The following LILRA5 variants were observed in gnomAD, a reference collection of about 807,000 sequenced individuals.
LILRA5 encodes leukocyte immunoglobulin-like receptor subfamily A member 5.
Under a neutral mutation model 36.3 loss-of-function variants are expected in LILRA5, and 31 were observed. The ratio of observed to expected loss-of-function variants is 0.85; its 90% CI spans 0.64 to 1.15. The LOEUF is 1.15. Ranked by LOEUF, LILRA5 falls within the 50% of genes most tolerant of loss-of-function variation. LILRA5 has a pLI of 0.00. For missense variants in LILRA5, 348 were observed against 377.4 expected (o/e 0.92, Z 0.64); for synonymous variants, 144 against 144.8 (o/e 0.99, Z 0.04).
In LILRA5 at chr19:54,312,323, G is replaced by T. The variant is rs1601188927; in HGVS notation, c.124+12C>A. On this transcript the variant is annotated intron_variant, in intron 3 of 6. Coordinates refer to ENST00000432233, the MANE Select transcript of LILRA5 (RefSeq NM_021250.4). ...AGGAGGAGGGACCTGGGACAGCTGG[G>T]GACAGACTCACCTGCCTGCACGTGG... 22 of 1,614,206 alleles carry T rather than the reference G, an allele frequency of 1.4e-5. No homozygotes were observed. The highest frequency in any genetic ancestry group is 1.9e-5 in the Non-Finnish European group (22 of 1,180,034).
At chr19:54,308,371 AT>A (rs1569139022) in intron 5 of LILRA5, 1 of 35,990 alleles carries the variant, frequency 2.8e-5, no homozygotes. Context: ...ATATATATAT[AT>A]ATATATATAT....
chr19:54,312,636 A>G lies in LILRA5; in HGVS notation c.4-15T>C. On this transcript the variant is annotated splice_polypyrimidine_tract_variant and intron_variant, in intron 1 of 6. Coordinates refer to ENST00000432233, the MANE Select transcript of LILRA5 (RefSeq NM_021250.4). ...GACCATGGTGCCTGGCAGGACAGAG[A>G]GACACACAGGGTGTGGCAGCTCGGA... The G allele has an allele frequency of 1.9e-6, 3 of 1,613,420 alleles. No individual in the cohort carries two copies. Among genetic ancestry groups the G allele is most frequent in the Non-Finnish European group, 2.5e-6 (3 of 1,179,334 alleles).
chr19:54,312,330 C>T lies in LILRA5; in HGVS notation c.124+5G>A. ...GGGACCTGGGACAGCTGGGGACAGA[C>T]TCACCTGCCTGCACGTGGGTCCTGG... On this transcript the variant is annotated splice_donor_5th_base_variant and intron_variant, in intron 3 of 6. Coordinates refer to ENST00000432233, the MANE Select transcript of LILRA5 (RefSeq NM_021250.4). 6.2e-7 allele frequency: 1 copy of T among 1,614,214 alleles called. No homozygotes were observed. The highest frequency in any genetic ancestry group is 8.5e-7 in the Non-Finnish European group (1 of 1,180,032).
intron 5 of LILRA5, chr19:54,308,335 GTA>G (rs1258408192): frequency 0.014 from 814 of 57,662 alleles, 73 homozygotes; most frequent in Non-Finnish European, 0.02. Flanking sequence ...GTGTGTGTGT[GTA>G]TATATATGTA....
rs771617549 is a variant in LILRA5 at position 54,311,632 on chromosome 19, CG to C, written c.493del (p.Arg165GlyfsTer2). ...CAGAATGAACCTGTCGAATCTCAGC[CG>C]TGAGCCACACTGGAGGGTCACGTTC... ...GENVTLQCGS[R>X]LRFDRFILTE... On this transcript the variant is annotated frameshift_variant, in exon 5 of 7. Transcript: ENST00000432233. LOFTEE classifies it high-confidence loss of function. 3.8e-5 allele frequency: 61 copies of C among 1,614,014 alleles called. No homozygotes were observed. The South Asian group carries it at 6.4e-4, about 17-fold the overall frequency.
In LILRA5 at chr19:54,311,914, C is replaced by T. The variant is rs200153089; in HGVS notation, c.359G>A (p.Ser120Asn). Residue 120 changes from serine to asparagine, a missense_variant, in exon 4 of 7, where the codon AGC (serine) becomes AAC (asparagine). By Grantham distance (46) the Ser-to-Asn change is conservative. Transcript: ENST00000432233. ...HAGRYRCYYYSPAGWSEPSDP... is the reference protein window; with the variant it reads ...HAGRYRCYYYNPAGWSEPSDP... ...GCTGGGCTCTGACCAGCCTGCAGGGCTGTAGTAGTAACAGCGGTATCTCCC... is the reference window on the plus strand; with the variant it reads ...GCTGGGCTCTGACCAGCCTGCAGGGTTGTAGTAGTAACAGCGGTATCTCCC... 3 of 1,614,172 alleles carry T rather than the reference C, an allele frequency of 1.9e-6. No individual in the cohort carries two copies. The East Asian group carries it at 6.7e-5, about 36-fold the overall frequency.
Position 54,311,617 on chromosome 19 carries a change from C to G in LILRA5, c.509G>C (p.Arg170Thr), listed in dbSNP as rs1030321999. The change falls in exon 5 of 7, where the codon AGG becomes ACG. Residue 170 changes from arginine to threonine, a missense_variant. Arg to Thr is a moderately conservative substitution (Grantham distance 71). Coordinates refer to ENST00000432233, the MANE Select transcript of LILRA5 (RefSeq NM_021250.4). ...GTCTCCTTCCTCAGTCAGAATGAAC[C>G]TGTCGAATCTCAGCCGTGAGCCACA... ...LQCGSRLRFD[R>T]FILTEEGDHK... 3.1e-6 allele frequency: 5 copies of G among 1,614,058 alleles called. No homozygotes were observed. In the African/African-American group the frequency reaches 5.3e-5, roughly 17 times the overall value.
At position 54,311,639 on chromosome 19, in the gene LILRA5, C is replaced by T. The variant is rs766510283; in HGVS notation, c.487G>A (p.Gly163Ser). Reference protein sequence around the residue: ...TSGENVTLQCGSRLRFDRFIL... With the variant: ...TSGENVTLQCSSRLRFDRFIL... Reference sequence around the variant, plus strand: ...AACCTGTCGAATCTCAGCCGTGAGCCACACTGGAGGGTCACGTTCTCTCCT... The same window carrying T: ...AACCTGTCGAATCTCAGCCGTGAGCTACACTGGAGGGTCACGTTCTCTCCT... The change falls in exon 5 of 7, where the codon GGC (glycine) becomes AGC (serine). Residue 163 changes from glycine to serine, a missense_variant. By Grantham distance (56) the Gly-to-Ser change is moderately conservative. Transcript: ENST00000432233. The T allele has an allele frequency of 5.0e-6, 8 of 1,614,048 alleles. No individual in the cohort carries two copies. Among genetic ancestry groups the T allele is most frequent in the Middle Eastern group, 1.6e-4 (1 of 6,084 alleles).
chr19:54,307,451 G>A lies in LILRA5; in HGVS notation c.862C>T (p.His288Tyr). The A allele has an allele frequency of 6.2e-7, 1 of 1,613,824 alleles. No individual in the cohort carries two copies. Among genetic ancestry groups the A allele is most frequent in the Non-Finnish European group, 8.5e-7 (1 of 1,179,896 alleles). ...VLGILIFQDW[H>Y]SQRSPQAAAG... ...GCAGCTTGGGGGCTTCTCTGGCTGTGCCAATCCTGAAATATCAGAATCCCA... is the reference window on the plus strand; with the variant it reads ...GCAGCTTGGGGGCTTCTCTGGCTGTACCAATCCTGAAATATCAGAATCCCA... The change falls in exon 7 of 7, where the codon CAC becomes TAC. Residue 288 changes from histidine (H) to tyrosine (Y), a missense_variant. By Grantham distance (83) the His-to-Tyr change is moderately conservative (BLOSUM62 2). Coordinates refer to ENST00000432233, the MANE Select transcript of LILRA5 (RefSeq NM_021250.4).
In LILRA5 at chr19:54,311,219, G is replaced by T. The variant is rs1012087804; in HGVS notation, c.712+195C>A. On this transcript the variant is annotated intron_variant, in intron 5 of 6. Coordinates refer to ENST00000432233, the MANE Select transcript of LILRA5 (RefSeq NM_021250.4). ...GATCCACCTGCCTCGGCCTCCCAAA[G>T]TGCTGAGATTACACGTGTGAGCCAC... is the stretch of plus-strand genomic sequence containing the variant. The T allele has an allele frequency of 4.9e-6, 7 of 1,440,268 alleles. No homozygotes were observed. In the African/African-American group the frequency reaches 9.9e-5, roughly 20 times the overall value. 89.2% of individuals were successfully genotyped at this position (1,440,268 alleles called of 1,614,324 possible). A position where few individuals can be genotyped will look rare whatever the true frequency, so the allele number is the denominator to read the frequency against.
rs756222298 is a variant in LILRA5 at position 54,311,552 on chromosome 19, T to C, written c.574A>G (p.Ser192Gly). 7.4e-6 allele frequency: 12 copies of C among 1,614,014 alleles called. No individual in the cohort carries two copies. The highest frequency in any genetic ancestry group is 3.3e-4 in the Middle Eastern group (2 of 6,084). The change falls in exon 5 of 7, where the codon AGT becomes GGT. Residue 192 changes from serine to glycine, a missense_variant. Ser to Gly is a moderately conservative substitution (Grantham distance 56). Transcript: ENST00000432233. ...GGGAACAGGGCCTGGAACTGCCCAC[T>C]GGGGGTCAGCTGTGAGTCCAAGGTC... ...SWTLDSQLTP[S>G]GQFQALFPVG...
chr19:54,309,997 G>T, intron 5 of LILRA5: 1 of 308,206 alleles, frequency 3.2e-6, no homozygotes, highest in Non-Finnish European at 6.4e-6. Context: ...CACAGCTGGG[G>T]CGCTTCTCTC....
intron 5 of LILRA5, chr19:54,309,711 G>A (rs1402756779): frequency 6.6e-6 from 1 of 152,172 alleles, no homozygotes; most frequent in Admixed American, 6.5e-5. Context: ...AGGACAATGG[G>A]AGTGGAATTA....
chr19:54,308,343 ATG>A (rs1569138773), intron 5 of LILRA5: 46 of 79,222 alleles, frequency 5.8e-4, no homozygotes, highest in Middle Eastern at 5.7e-3. Flanking sequence ...GTGTATATAT[ATG>A]TATATATAAA....
intron 1 of LILRA5, 179 bp downstream of exon 1, chr19:54,312,838 C>T: frequency 1.2e-6 from 1 of 845,232 alleles, no homozygotes; most frequent in Non-Finnish European, 1.9e-6. Context: ...CCCCGGGCCA[C>T]TGTCTGCCTG....
rs754823292 is a variant in LILRA5, at chr19:54,307,731, T to A, written c.730A>T (p.Ser244Cys). 5.0e-6 allele frequency: 8 copies of A among 1,614,016 alleles called. No individual in the cohort carries two copies. The highest frequency in any genetic ancestry group is 6.8e-6 in the Non-Finnish European group (8 of 1,180,000). ...IPVSGAADNL[S>C]PSQNKSDSGT... ...GAGTCAGACTTGTTTTGTGACGGAC[T>A]GAGGTTATCAGCTGCTCCTGAAAAT... is the stretch of plus-strand genomic sequence containing the variant. Residue 244 changes from serine (S) to cysteine (C), a missense_variant, in exon 6 of 7, where the codon AGT becomes TGT. Transcript: ENST00000432233.
rs201196921 is a variant in LILRA5, at chr19:54,307,376, G to A, written c.*37C>T. The A allele has an allele frequency of 1.3e-6, 2 of 1,569,516 alleles. No individual in the cohort carries two copies. The highest frequency in any genetic ancestry group is 1.7e-6 in the Non-Finnish European group (2 of 1,157,684). On this transcript the variant is annotated 3_prime_UTR_variant, in exon 7 of 7. Transcript: ENST00000432233. ...TAGGACCATCAGATTCGCTTCCAAG[G>A]CTCCAGCATTCAATGGTGCATTGTT...
At chr19:54,311,377 C>T (rs1364836706) in intron 5 of LILRA5, 37 bp downstream of exon 5, 2 of 1,614,166 alleles carry the variant, frequency 1.2e-6, no homozygotes, top group Non-Finnish European at 1.7e-6. Flanking sequence ...TGTCTGGCTT[C>T]CCTGAATTGT....
chr19:54,307,797 T>C (rs1367096664), intron 5 of LILRA5, 49 bp from the exon 6 acceptor site: 6 of 1,525,852 alleles, frequency 3.9e-6, no homozygotes, highest in African/African-American at 1.4e-5. Flanking sequence ...TGAAGCAATC[T>C]GAGCCCAGCC....
Sources: allele counts gnomAD v4.1 joint callset, GRCh38; gene constraint gnomAD v4.1.1; transcripts MANE v1.5; gene names NCBI Gene and HGNC (gene_info 2026-07-23, HGNC 2026-07-21).